RUNX2: variants seen among roughly 807,000 people sequenced by gnomAD.
The protein encoded by RUNX2 is RUNX family transcription factor 2, also known as runt-related transcription factor 2.
In RUNX2, 10 loss-of-function variants were observed where a neutral mutation model predicts 51.7. The observed-to-expected ratio is 0.19, with a 90% CI of 0.12 to 0.33. The LOEUF (loss-of-function observed/expected upper bound fraction) is 0.33. RUNX2 is among the 10% of genes least tolerant of loss of function. RUNX2 has a pLI of 1.00. For synonymous variants in RUNX2, 276 were observed against 273.6 expected (o/e 1.01, Z -0.09); for missense variants, 562 against 691.3 (o/e 0.81, Z 2.10).
chr6:45,399,571 G>C (rs953667024), intron 2 of RUNX2, among the ~76,000 whole-genome samples: 1 of 151,386 alleles, frequency 6.6e-6, no homozygotes, highest in Non-Finnish European at 1.5e-5. Context: ...TGTTGGTCAG[G>C]GTAGTCTTGA....
At chr6:45,359,106 C>G (rs1581883316) in intron 2 of RUNX2, among the ~76,000 whole-genome samples, 1 of 152,096 alleles carries the variant, frequency 6.6e-6, no homozygotes, top group East Asian at 1.9e-4. Flanking sequence ...TAATCCTAAA[C>G]TGAAAGTTCT....
At chr6:45,453,150 A>C (rs1003030498) in intron 5 of RUNX2, among the ~76,000 whole-genome samples, 1 of 151,930 alleles carries the variant, frequency 6.6e-6, no homozygotes, top group Non-Finnish European at 1.5e-5. Flanking sequence ...TCTTCTAAAG[A>C]TTTGTAAAAG....
At chr6:45,441,990 T>C (rs961836593) in intron 5 of RUNX2, among the ~76,000 whole-genome samples, 1 of 152,226 alleles carries the variant, frequency 6.6e-6, no homozygotes, top group Non-Finnish European at 1.5e-5. Context: ...AATATACACA[T>C]CTGGCGTTGG....
intron 2 of RUNX2, among the ~76,000 whole-genome samples, chr6:45,378,217 G>A (rs910809877): frequency 6.6e-6 from 1 of 152,240 alleles, no homozygotes; most frequent in Non-Finnish European, 1.5e-5. Flanking sequence ...GTGGGGACGA[G>A]CTGAGATCGG....
chr6:45,461,752 ATTT>A (rs5875922), intron 5 of RUNX2, among the ~76,000 whole-genome samples: 1 of 146,576 alleles, frequency 6.8e-6, no homozygotes, highest in African/African-American at 2.5e-5. Flanking sequence ...GAGGCTTACT[ATTT>A]TTTTTTTTTG....
In RUNX2 at chr6:45,512,214, A is replaced by G. The variant is rs1240423292; in HGVS notation, c.860-32A>G. 7 of 1,609,058 alleles carry G rather than the reference A, an allele frequency of 4.4e-6. No homozygotes were observed. The African/African-American group carries it at 6.7e-5, about 15-fold the overall frequency. On this transcript the variant is annotated intron_variant, in intron 6 of 8. Transcript: ENST00000647337. Reference sequence around the variant, plus strand: ...TGTTTCTAAGGCTGCAATGGTTGCTATACTAAAGATTTTTCTTTTTCTTTT... The same window carrying G: ...TGTTTCTAAGGCTGCAATGGTTGCTGTACTAAAGATTTTTCTTTTTCTTTT...
intron 7 of RUNX2, among the ~76,000 whole-genome samples, chr6:45,540,867 G>C (rs973074202): frequency 2.0e-5 from 3 of 152,174 alleles, no homozygotes; most frequent in Admixed American, 6.5e-5. Flanking sequence ...AACAGTGGAA[G>C]CAAAGCAGAG....
At chr6:45,408,916 A>G (rs1797893012) in intron 2 of RUNX2, among the ~76,000 whole-genome samples, 1 of 152,190 alleles carries the variant, frequency 6.6e-6, no homozygotes, top group Non-Finnish European at 1.5e-5. Flanking sequence ...TTTGTAAATG[A>G]GAAGTCAGTT....
chr6:45,402,985 T>C (rs184640958), intron 2 of RUNX2, among the ~76,000 whole-genome samples: 54 of 152,246 alleles, frequency 3.5e-4, no homozygotes, highest in African/African-American at 1.3e-3. Flanking sequence ...ATCACATATA[T>C]AGCAAAAACA....
intron 2 of RUNX2, among the ~76,000 whole-genome samples, chr6:45,345,888 T>C (rs977585057): frequency 1.3e-5 from 2 of 152,164 alleles, no homozygotes; most frequent in South Asian, 2.1e-4. Flanking sequence ...CCAGTTTCTC[T>C]CTAGACACAG....
At position 45,458,984 on chromosome 6, in the gene RUNX2, C is replaced by G. The variant is rs377325957; in HGVS notation, c.685+20933C>G. Among the ~76,000 whole-genome samples, 27 of 152,314 alleles carry G rather than the reference C, an allele frequency of 1.8e-4. 1 individual carries two copies. In the East Asian group the frequency reaches 4.6e-3, roughly 26 times the overall value. ...CCTGACAGTAACCTGAAGCTTTGAG[C>G]CACTTGCCTTCTTCCTTCCCCTCTC... On this transcript the variant is annotated intron_variant, in intron 5 of 8. Transcript: ENST00000647337.
At position 45,547,107 on chromosome 6, in the gene RUNX2, T is replaced by G. The variant is rs775121825; in HGVS notation, c.1368T>G (p.Phe456Leu). 1.2e-6 allele frequency: 2 copies of G among 1,614,086 alleles called. No homozygotes were observed. The highest frequency in any genetic ancestry group is 1.7e-6 in the Non-Finnish European group (2 of 1,180,006). The change falls in exon 9 of 9, where the codon TTT (phenylalanine) becomes TTG (leucine). Residue 456 changes from phenylalanine to leucine, a missense_variant. Physicochemically the swap from Phe to Leu is conservative, Grantham distance 22. Coordinates refer to ENST00000647337, the MANE Select transcript of RUNX2 (RefSeq NM_001024630.4). The part of the protein sequence containing the change: ...YYGTSSGSYQ[F>L]PMVPGGDRSP... ...GCACTTCGTCAGGATCCTATCAGTT[T>G]CCCATGGTGCCGGGGGGAGACCGGT...
intron 6 of RUNX2, among the ~76,000 whole-genome samples, chr6:45,502,713 G>A (rs780652755): frequency 2.6e-5 from 4 of 152,138 alleles, no homozygotes; most frequent in Admixed American, 6.5e-5. Flanking sequence ...TTTCCTGCAC[G>A]CCTGGTCCTA....
intron 5 of RUNX2, among the ~76,000 whole-genome samples, chr6:45,471,192 G>T (rs1799789188): frequency 6.6e-6 from 1 of 152,126 alleles, no homozygotes; most frequent in Non-Finnish European, 1.5e-5. Context: ...ATTTGATAAA[G>T]TGATTTCCAC....
intron 5 of RUNX2, among the ~76,000 whole-genome samples, chr6:45,470,302 T>G (rs1799759879): frequency 6.6e-6 from 1 of 152,222 alleles, no homozygotes; most frequent in African/African-American, 2.4e-5. Context: ...TTTCATTACT[T>G]TCTTTCCATC....
intron 2 of RUNX2, among the ~76,000 whole-genome samples, chr6:45,362,054 AAACAACAACAAC>A (rs375160471): frequency 1.3e-5 from 2 of 151,938 alleles, no homozygotes; most frequent in Non-Finnish European, 2.9e-5. Flanking sequence ...TTCCTCTCAA[AAACAACAACAAC>A]AACAACAACA....
intron 2 of RUNX2, among the ~76,000 whole-genome samples, chr6:45,389,921 A>T (rs1352276749): frequency 6.6e-6 from 1 of 151,932 alleles, no homozygotes; most frequent in African/African-American, 2.4e-5. Flanking sequence ...CACGAGAATC[A>T]CTTGAACCTG....
chr6:45,500,319 G>A lies in RUNX2; in HGVS notation c.859+8205G>A, dbSNP rs184940965. 2.6e-4 allele frequency among the ~76,000 whole-genome samples: 39 copies of A among 152,208 alleles called. No individual in the cohort carries two copies. In the East Asian group the frequency reaches 3.9e-3, roughly 15 times the overall value. ...AAAGTGTTTTCATTTTAATGTATGC[G>A]AAAGTATTCCAGGAATATAACTGTA... On this transcript the variant is annotated intron_variant, in intron 6 of 8. Coordinates refer to ENST00000647337, the MANE Select transcript of RUNX2 (RefSeq NM_001024630.4).
intron 6 of RUNX2, 95 bp from the exon 7 acceptor site, chr6:45,512,151 T>C: frequency 8.1e-7 from 1 of 1,230,214 alleles, no homozygotes. Context: ...TTTCTCTCCC[T>C]GTTTTTCTGC....
Sources: gnomAD v4.1 joint callset for allele counts (sites outside exome capture counted in the v4.1 genomes callset) on GRCh38, gnomAD v4.1.1 for gene constraint, MANE v1.5 for transcripts, NCBI Gene and HGNC (gene_info 2026-07-23, HGNC 2026-07-21) for gene names.